USP54: variants seen among roughly 807,000 people sequenced by gnomAD.
The protein encoded by USP54 is ubiquitin specific peptidase 54, also known as ubiquitin carboxyl-terminal hydrolase 54.
Under a neutral mutation model 170.5 loss-of-function variants are expected in USP54, and 87 were observed. The ratio of observed to expected loss-of-function variants is 0.51; its 90% CI spans 0.43 to 0.61. The LOEUF is 0.61. Ranked by LOEUF, USP54 falls within the 20% of genes least tolerant of loss-of-function variation. USP54 has a pLI of 0.00. For missense variants in USP54, 1,786 were observed against 2,047.8 expected (o/e 0.87, Z 2.47); for synonymous variants, 655 against 742.8 (o/e 0.88, Z 1.92).
chr10:73,570,597 C>T (rs1366580402), intron 4 of USP54, among the ~76,000 whole-genome samples: 7 of 144,890 alleles, frequency 4.8e-5, no homozygotes, highest in African/African-American at 1.8e-4. Context: ...GTTGCCCAGG[C>T]TGGAGTGCAG....
chr10:73,562,538 A>G (rs926908663), intron 4 of USP54, among the ~76,000 whole-genome samples: 1 of 152,214 alleles, frequency 6.6e-6, no homozygotes, highest in Non-Finnish European at 1.5e-5. Context: ...AAATGGAATC[A>G]TGATTCATAT....
chr10:73,498,639 CTG>C lies in USP54; in HGVS notation c.5043_5044del (p.His1681GlnfsTer32). On this transcript the variant is annotated frameshift_variant, in exon 24 of 24. Transcript: ENST00000687698. LOFTEE classifies it high-confidence loss of function. ...GGAAAGGAATAACCTTTACCATTGA[CTG>C]TGCTGCAGGACTCTAGCCCTGATCT... 3 of 1,534,344 alleles carry C rather than the reference CTG, an allele frequency of 2.0e-6. No individual in the cohort carries two copies. The highest frequency in any genetic ancestry group is 2.6e-6 in the Non-Finnish European group (3 of 1,140,812).
rs1468867730 is a variant in USP54, at chr10:73,576,260, T to C, written c.-480A>G. 1 of 152,226 alleles carries C rather than the reference T, an allele frequency of 6.6e-6. No homozygotes were observed. Among genetic ancestry groups the C allele is most frequent in the Non-Finnish European group, 1.5e-5 (1 of 68,050 alleles). 9.4% of individuals were successfully genotyped at this position (152,226 alleles called of 1,614,324 possible). ...CTGAGGTTTTTGTTGATGTTCTTGC[T>C]GCTTCTTTTTAATGTGCCCCAAACT... On this transcript the variant is annotated 5_prime_UTR_variant, in exon 2 of 24. Transcript: ENST00000687698.
At chr10:73,604,622 G>T (rs1248355001) in intron 1 of USP54, among the ~76,000 whole-genome samples, 1 of 142,916 alleles carries the variant, frequency 7.0e-6, no homozygotes, top group Non-Finnish European at 1.5e-5. Context: ...ACAGAGTCTC[G>T]CATTGTTGCC....
At chr10:73,568,596 GA>G (rs747054952) in intron 4 of USP54, among the ~76,000 whole-genome samples, 114 of 150,824 alleles carry the variant, frequency 7.6e-4, no homozygotes, top group African/African-American at 7.5e-4. Context: ...GCCCTTAGGG[GA>G]AAAAAAAATC....
In USP54 at chr10:73,530,438, T is replaced by A; in HGVS notation, c.1533A>T (p.Thr511=). 6.2e-7 allele frequency: 1 copy of A among 1,614,230 alleles called. No individual in the cohort carries two copies. The highest frequency in any genetic ancestry group is 8.5e-7 in the Non-Finnish European group (1 of 1,180,044). The change falls in exon 14 of 24, where the codon ACA becomes ACT. Residue 511 remains threonine (T), a synonymous_variant. Transcript: ENST00000687698. ...STNRLRDFKE[T]VSNMIHNRPS... ...GTCTGTTATGGATCATATTGCTGAC[T>A]GTCTCTTTAAAATCTCTCAGCCTGT...
chr10:73,541,793 T>C, intron 7 of USP54, 55 bp from the exon 8 acceptor site: 1 of 1,533,302 alleles, frequency 6.5e-7, no homozygotes, highest in Non-Finnish European at 9.0e-7. Context: ...TACTGCTAAA[T>C]CAAACATTAA....
At chr10:73,608,794 G>C (rs1043997091) in intron 1 of USP54, among the ~76,000 whole-genome samples, 1 of 152,178 alleles carries the variant, frequency 6.6e-6, no homozygotes. Context: ...CTACACAGGA[G>C]GCTGAGGTGG....
chr10:73,517,060 A>C lies in USP54; in HGVS notation c.3366T>G (p.Phe1122Leu), dbSNP rs762530739. 1.9e-6 allele frequency: 3 copies of C among 1,614,214 alleles called. No individual in the cohort carries two copies. The highest frequency in any genetic ancestry group is 2.2e-5 in the South Asian group (2 of 91,086). Residue 1122 changes from phenylalanine to leucine, a missense_variant, in exon 20 of 24, where the codon TTT (phenylalanine) becomes TTG (leucine). By Grantham distance (22) the Phe-to-Leu change is conservative. Coordinates refer to ENST00000687698, the MANE Select transcript of USP54 (RefSeq NM_001391956.1). ...AACGGACAAGCCCCTTTGTGCTGGG[A>C]AACTCTGGCCTATAGGTCTCCTCAC... is the stretch of plus-strand genomic sequence containing the variant. ...RGSEETYRPE[F>L]PSTKGLVRSL...
chr10:73,621,397 C>T (rs925701812), intron 1 of USP54, among the ~76,000 whole-genome samples: 3 of 142,724 alleles, frequency 2.1e-5, no homozygotes, highest in African/African-American at 9.1e-5. Context: ...GTCAGGAGAT[C>T]AAGACCATCC....
chr10:73,500,593 C>T, intron 23 of USP54, 62 bp downstream of exon 23: 1 of 1,491,290 alleles, frequency 6.7e-7, no homozygotes, highest in Non-Finnish European at 9.0e-7. Flanking sequence ...CTGATTTGAC[C>T]CTTGGAGGCC....
At chr10:73,598,746 C>CTAAAAA (rs1297736367) in intron 1 of USP54, among the ~76,000 whole-genome samples, 11 of 152,154 alleles carry the variant, frequency 7.2e-5, no homozygotes, top group Admixed American at 3.9e-4. Context: ...CGCATCTCTA[C>CTAAAAA]TAAAAATAAA....
At chr10:73,611,710 T>A (rs941491822) in intron 1 of USP54, 10 of 151,348 alleles carry the variant, frequency 6.6e-5, no homozygotes, top group African/African-American at 2.4e-4. Context: ...GGCAGGAGAA[T>A]CGCTTGAACC....
intron 4 of USP54, among the ~76,000 whole-genome samples, chr10:73,556,350 T>C (rs542560517): frequency 6.7e-6 from 1 of 150,226 alleles, no homozygotes; most frequent in East Asian, 1.9e-4. Flanking sequence ...TTTTTCTTTT[T>C]TTTTTTTTTT....
chr10:73,607,220 C>A (rs893689072), intron 1 of USP54, among the ~76,000 whole-genome samples: 4 of 151,194 alleles, frequency 2.6e-5, no homozygotes, highest in Admixed American at 6.6e-5. Flanking sequence ...TCACTTGAGT[C>A]CAGGAGGTGG....
At position 73,497,790 on chromosome 10, in the gene USP54, A is replaced by G. The variant is rs1422223937; in HGVS notation, c.*839T>C. On this transcript the variant is annotated 3_prime_UTR_variant, in exon 24 of 24. Coordinates refer to ENST00000687698, the MANE Select transcript of USP54 (RefSeq NM_001391956.1). The stretch of plus-strand genomic sequence containing the variant: ...AGGGCACAGGGAATGCTGACAGGCC[A>G]TAATACCTGGGCAGGGGGGCTGCCC... 1 of 152,300 alleles carries G rather than the reference A, an allele frequency of 6.6e-6. No individual in the cohort carries two copies. Among genetic ancestry groups the G allele is most frequent in the African/African-American group, 2.4e-5 (1 of 41,452 alleles). The allele number at this position is 152,300 out of a possible 1,614,324, so 9.4% of individuals were successfully genotyped here. A position where few individuals can be genotyped will look rare whatever the true frequency, so the allele number is the denominator to read the frequency against.
At chr10:73,509,954 T>C (rs1429609772) in intron 20 of USP54, among the ~76,000 whole-genome samples, 1 of 151,954 alleles carries the variant, frequency 6.6e-6, no homozygotes, top group Non-Finnish European at 1.5e-5. Context: ...CACCACTGCA[T>C]TCCAGTCTGG....
chr10:73,518,014 T>G (rs938867446), intron 19 of USP54, among the ~76,000 whole-genome samples: 10 of 152,206 alleles, frequency 6.6e-5, no homozygotes, highest in Admixed American at 5.2e-4. Flanking sequence ...AGTGGAGCCC[T>G]TGCCAATATT....
intron 17 of USP54, 120 bp from the exon 18 acceptor site, chr10:73,521,147 A>G: frequency 7.5e-7 from 1 of 1,337,040 alleles, no homozygotes; most frequent in Non-Finnish European, 1.0e-6. Flanking sequence ...CCCTTATTCC[A>G]ACTGTCTATT....
Sources: allele counts gnomAD v4.1 joint callset (sites outside exome capture counted in the v4.1 genomes callset), GRCh38; gene constraint gnomAD v4.1.1; transcripts MANE v1.5; gene names NCBI Gene and HGNC (gene_info 2026-07-23, HGNC 2026-07-21).